TPRX2: variants seen among roughly 807,000 people sequenced by gnomAD.
TPRX2 encodes the protein tetrapeptide repeat homeobox protein 2.
At chr19:47,861,165 GC>G in the TPRX2 span, 1 of 679,806 alleles carries the variant, frequency 1.5e-6, no homozygotes, top group Non-Finnish European at 2.7e-6. Flanking sequence ...CCCAGGCCCA[GC>G]CCCGAATTTA....
chr19:47,859,934 T>C, the TPRX2 span, among the ~76,000 whole-genome samples: 21 of 150,596 alleles, frequency 1.4e-4, no homozygotes, highest in East Asian at 4.1e-3. Flanking sequence ...GCCCATTTCC[T>C]AGATGTGGAC....
At chr19:47,861,077 C>A in the TPRX2 span, 4 of 729,638 alleles carry the variant, frequency 5.5e-6, no homozygotes, top group East Asian at 1.1e-4. Context: ...CACAGGAGGG[C>A]CTCAAGGCTG....
chr19:47,861,386 C>A, the TPRX2 span: 2 of 500,792 alleles, frequency 4.0e-6, no homozygotes, highest in East Asian at 6.6e-5. Flanking sequence ...CTGACTTCAC[C>A]AAGCTGCTCC....
chr19:47,861,224 A>C, the TPRX2 span: 1 of 579,164 alleles, frequency 1.7e-6, no homozygotes, highest in South Asian at 1.5e-5. Flanking sequence ...GTCCAATACC[A>C]GCCCCCATCT....
At chr19:47,861,177 G>T in the TPRX2 span, 1 of 667,542 alleles carries the variant, frequency 1.5e-6, no homozygotes, top group Non-Finnish European at 2.8e-6. Flanking sequence ...CCCGAATTTA[G>T]GCCCAATGTC....
chr19:47,859,806 A>T, the TPRX2 span, among the ~76,000 whole-genome samples: 1 of 150,934 alleles, frequency 6.6e-6, no homozygotes, highest in Non-Finnish European at 1.5e-5. Context: ...CAGGGTCCCT[A>T]TAACCCTTGG....
At chr19:47,860,360 G>A in the TPRX2 span, 4 of 759,900 alleles carry the variant, frequency 5.3e-6, no homozygotes, top group Admixed American at 4.9e-5. Context: ...CCGGGGCCTG[G>A]CCCGCCCGAC....
chr19:47,861,317 C>G, the TPRX2 span: 4 of 480,550 alleles, frequency 8.3e-6, no homozygotes, highest in African/African-American at 2.0e-5. Flanking sequence ...CAGCCCCAGG[C>G]GCCTTGTGGC....
the TPRX2 span, among the ~76,000 whole-genome samples, chr19:47,859,237 A>G: frequency 6.6e-6 from 1 of 151,556 alleles, no homozygotes; most frequent in Non-Finnish European, 1.5e-5. Context: ...GGAACAGATC[A>G]GGACTCAGGA....
the TPRX2 span, among the ~76,000 whole-genome samples, chr19:47,860,494 G>A: frequency 6.6e-6 from 1 of 151,378 alleles, no homozygotes; most frequent in Admixed American, 6.6e-5. Context: ...TCCCCCACGG[G>A]GTCTCCCGGT....
the TPRX2 span, among the ~76,000 whole-genome samples, chr19:47,860,610 C>A: frequency 2.6e-5 from 4 of 151,312 alleles, no homozygotes; most frequent in East Asian, 3.9e-4. Flanking sequence ...TCCCACCCCA[C>A]CCTCCTCCCC....
the TPRX2 span, among the ~76,000 whole-genome samples, chr19:47,860,640 C>T: frequency 7.0e-6 from 1 of 142,932 alleles, no homozygotes; most frequent in African/African-American, 2.5e-5. Flanking sequence ...CCTCCCTCTT[C>T]CCTCCCTTCT....
the TPRX2 span, chr19:47,861,023 G>T: frequency 1.1e-6 from 1 of 933,358 alleles, no homozygotes; most frequent in Non-Finnish European, 1.7e-6. Flanking sequence ...CAGAACCGAA[G>T]ATCTACAGCC....
the TPRX2 span, chr19:47,860,367 C>T: frequency 1.8e-5 from 12 of 673,122 alleles, no homozygotes; most frequent in African/African-American, 2.1e-4. Flanking sequence ...CTGGCCCGCC[C>T]GACCACCTCC....
chr19:47,861,336 C>A, the TPRX2 span: 1 of 474,072 alleles, frequency 2.1e-6, no homozygotes, highest in Non-Finnish European at 4.2e-6. Context: ...GCCTCAGAGC[C>A]CCTATGCCTC....
chr19:47,860,889 G>T, the TPRX2 span: 1 of 1,532,618 alleles, frequency 6.5e-7, no homozygotes, highest in South Asian at 1.2e-5. Flanking sequence ...GAGAGGCCGA[G>T]GAGCCCGCGC....
chr19:47,860,561 G>C, the TPRX2 span, among the ~76,000 whole-genome samples: 1 of 151,442 alleles, frequency 6.6e-6, no homozygotes, highest in African/African-American at 2.4e-5. Flanking sequence ...ACCCTCCCTG[G>C]CCCCCCGGGC....
At chr19:47,861,431 C>A in the TPRX2 span, 1 of 680,726 alleles carries the variant, frequency 1.5e-6, no homozygotes, top group Non-Finnish European at 2.4e-6. Flanking sequence ...CCTCACTCTC[C>A]ACCACGACGT....
chr19:47,860,951 C>T, the TPRX2 span: 2 of 1,457,674 alleles, frequency 1.4e-6, no homozygotes, highest in Admixed American at 2.0e-5. Context: ...GTCCTGAGTT[C>T]CCGCAGGGCA....
Sources: gnomAD v4.1 joint callset for allele counts (sites outside exome capture counted in the v4.1 genomes callset) on GRCh38, gnomAD v4.1.1 for gene constraint, MANE v1.5 for transcripts, NCBI Gene and HGNC (gene_info 2026-07-23, HGNC 2026-07-21) for gene names.